FAM184B: variants seen among roughly 807,000 people sequenced by gnomAD.
FAM184B encodes the protein protein FAM184B.
In FAM184B, 111 loss-of-function variants were observed where a neutral mutation model predicts 135.9. That is an observed-to-expected ratio of 0.82 (90% confidence interval 0.70 to 0.96). The LOEUF (loss-of-function observed/expected upper bound fraction) is 0.96. FAM184B is among the 40% of genes least tolerant of loss of function. FAM184B has a pLI of 0.00. For synonymous variants in FAM184B, 552 were observed against 524.8 expected (o/e 1.05, Z -0.71); for missense variants, 1,375 against 1,323.9 (o/e 1.04, Z -0.60).
At chr4:17,652,129 CT>C (rs1173327491) in intron 11 of FAM184B, among the ~76,000 whole-genome samples, 6,010 of 81,258 alleles carry the variant, frequency 0.074, 399 homozygotes, top group African/African-American at 0.22. Flanking sequence ...TATTTAATAT[CT>C]TTTTTTTTTT....
chr4:17,660,593 C>T (rs1201629975), intron 8 of FAM184B, among the ~76,000 whole-genome samples: 1 of 151,902 alleles, frequency 6.6e-6, no homozygotes, highest in African/African-American at 2.4e-5. Context: ...ATAAATAGGC[C>T]TCCACATATG....
At chr4:17,753,450 T>C (rs576358768) in intron 1 of FAM184B, among the ~76,000 whole-genome samples, 44 of 152,358 alleles carry the variant, frequency 2.9e-4, no homozygotes, top group Non-Finnish European at 5.7e-4. Context: ...CCCAGCATTA[T>C]TTTAAAGATA....
chr4:17,664,776 C>A lies in FAM184B; in HGVS notation c.1597-117G>T. The A allele has an allele frequency of 5.0e-6, 4 of 796,022 alleles. No homozygotes were observed. In the South Asian group the frequency reaches 5.6e-5, roughly 11 times the overall value. 49.3% of individuals were successfully genotyped at this position (796,022 alleles called of 1,614,324 possible). ...AGAGCAGAGAAGAGGGAGCCCCCAG[C>A]AACCCACTATCGGTGCCCTGCTTGC... On this transcript the variant is annotated intron_variant, in intron 7 of 17. Coordinates refer to ENST00000265018, the MANE Select transcript of FAM184B (RefSeq NM_015688.2).
chr4:17,697,947 T>C (rs1716902664), intron 5 of FAM184B, among the ~76,000 whole-genome samples: 1 of 151,830 alleles, frequency 6.6e-6, no homozygotes, highest in Admixed American at 6.6e-5. Context: ...AATAATGTGG[T>C]TTGCTTTCAG....
intron 2 of FAM184B, among the ~76,000 whole-genome samples, 193 bp downstream of exon 2, chr4:17,708,699 A>AG (rs1241666650): frequency 4.8e-4 from 26 of 53,902 alleles, no homozygotes; most frequent in Non-Finnish European, 7.8e-4. Context: ...ATATATATAT[A>AG]TATATATATA....
At chr4:17,706,919 A>G (rs1389113523) in intron 3 of FAM184B, among the ~76,000 whole-genome samples, 1 of 151,676 alleles carries the variant, frequency 6.6e-6, no homozygotes, top group Non-Finnish European at 1.5e-5. Context: ...CCAAGTAGCT[A>G]GGATTACAGG....
At chr4:17,646,032 C>T (rs1715458599) in intron 12 of FAM184B, among the ~76,000 whole-genome samples, 1 of 151,952 alleles carries the variant, frequency 6.6e-6, no homozygotes, top group African/African-American at 2.4e-5. Flanking sequence ...CAATGAGATA[C>T]CATCTCACAC....
chr4:17,677,187 A>G (rs1716330561), intron 7 of FAM184B, among the ~76,000 whole-genome samples: 1 of 152,160 alleles, frequency 6.6e-6, no homozygotes, highest in Non-Finnish European at 1.5e-5. Flanking sequence ...AGCTGGGACT[A>G]CAGGTACACA....
At chr4:17,758,820 G>A (rs960161312) in intron 1 of FAM184B, among the ~76,000 whole-genome samples, 12 of 151,944 alleles carry the variant, frequency 7.9e-5, no homozygotes, top group Non-Finnish European at 1.5e-4. Flanking sequence ...CGATCGTGGT[G>A]TTGGACTGCA....
intron 7 of FAM184B, among the ~76,000 whole-genome samples, chr4:17,672,189 A>G (rs1434869502): frequency 6.6e-6 from 1 of 152,184 alleles, no homozygotes; most frequent in African/African-American, 2.4e-5. Context: ...ACCCCCTCAT[A>G]AGACAATGAA....
rs1478499822 is a variant in FAM184B at position 17,747,908 on chromosome 4, G to A, written c.141+33251C>T. Among the ~76,000 whole-genome samples, 5 of 102,780 alleles carry A rather than the reference G, an allele frequency of 4.9e-5. No individual in the cohort carries two copies. In the Admixed American group the frequency reaches 5.5e-4, roughly 11 times the overall value. The allele number at this position is 102,780 out of a possible 152,430, so 67.4% of individuals were successfully genotyped here. A position where few individuals can be genotyped will look rare whatever the true frequency, so the allele number is the denominator to read the frequency against. ...TGCACTCCAGCCTGGGCGACAGAGC[G>A]AGACTCTGTCTCAAAAAAAAAAAAA... On this transcript the variant is annotated intron_variant, in intron 1 of 17. Coordinates refer to ENST00000265018, the MANE Select transcript of FAM184B (RefSeq NM_015688.2).
At chr4:17,734,015 G>C (rs965693162) in intron 1 of FAM184B, among the ~76,000 whole-genome samples, 188 of 152,254 alleles carry the variant, frequency 1.2e-3, no homozygotes, top group Non-Finnish European at 2.5e-3. Flanking sequence ...AGAGCCCTCA[G>C]AAATAATGCC....
chr4:17,653,914 C>CCGAGAGGGAGGG (rs1715703529), intron 10 of FAM184B, among the ~76,000 whole-genome samples: 1 of 386 alleles, frequency 2.6e-3, no homozygotes, highest in Non-Finnish European at 4.9e-3. Flanking sequence ...AAGCAGAGGT[C>CCGAGAGGGAGGG]AGAGAGGGAG....
intron 4 of FAM184B, 58 bp downstream of exon 4, chr4:17,705,694 T>C: frequency 2.6e-6 from 4 of 1,542,128 alleles, no homozygotes; most frequent in Non-Finnish European, 3.5e-6. Context: ...CTGACGCTTA[T>C]AATAGATAGC....
intron 7 of FAM184B, among the ~76,000 whole-genome samples, chr4:17,669,333 A>G (rs747006892): frequency 9.2e-5 from 14 of 152,244 alleles, no homozygotes; most frequent in Admixed American, 2.6e-4. Context: ...AACATAGTCT[A>G]GAAGCAAAAT....
chr4:17,647,872 G>A lies in FAM184B; in HGVS notation c.2192-81C>T, dbSNP rs546637316. 52 of 1,416,370 alleles carry A rather than the reference G, an allele frequency of 3.7e-5. No individual in the cohort carries two copies. The East Asian group carries it at 1.0e-3, about 28-fold the overall frequency. The allele number at this position is 1,416,370 out of a possible 1,614,324, so 87.7% of individuals were successfully genotyped here. A position where few individuals can be genotyped will look rare whatever the true frequency, so the allele number is the denominator to read the frequency against. On this transcript the variant is annotated intron_variant, in intron 11 of 17. Transcript: ENST00000265018. ...TCATGGGGACAACAGTCTCTGGGGT[G>A]GGGTTGGATGACGTGGGTGGCTGCT...
At chr4:17,674,859 A>G (rs1042758633) in intron 7 of FAM184B, among the ~76,000 whole-genome samples, 3 of 152,218 alleles carry the variant, frequency 2.0e-5, no homozygotes. Context: ...GCAGCAATTC[A>G]GTCACATCAT....
At chr4:17,637,028 C>T (rs1269959717) in intron 14 of FAM184B, among the ~76,000 whole-genome samples, 4 of 151,844 alleles carry the variant, frequency 2.6e-5, no homozygotes, top group African/African-American at 7.3e-5. Context: ...TACCTATGGC[C>T]TTTTTTTTCT....
intron 5 of FAM184B, among the ~76,000 whole-genome samples, chr4:17,697,787 A>C (rs1716898674): frequency 6.6e-6 from 1 of 152,234 alleles, no homozygotes; most frequent in African/African-American, 2.4e-5. Flanking sequence ...AATTTTACGT[A>C]GCTTAACTTC....
Sources: gnomAD v4.1 joint callset for allele counts (sites outside exome capture counted in the v4.1 genomes callset) on GRCh38, gnomAD v4.1.1 for gene constraint, MANE v1.5 for transcripts, NCBI Gene and HGNC (gene_info 2026-07-23, HGNC 2026-07-21) for gene names.